Variants in SLC38A2 observed in about 807,000 individuals in gnomAD.
SLC38A2 encodes the protein solute carrier family 38 member 2.
SLC38A2 carries 11 observed loss-of-function variants against 61.5 expected under a neutral mutation model. The observed-to-expected ratio is 0.18, with a 90% CI of 0.11 to 0.30. SLC38A2 has a LOEUF of 0.30. Among genes scored for constraint, SLC38A2 ranks in the 10% least tolerant of loss-of-function variants. SLC38A2 has a pLI of 1.00. For synonymous variants in SLC38A2, 217 were observed against 212.5 expected, an observed-to-expected ratio of 1.02 and a Z score of -0.18; for missense variants, 522 against 600.4, an observed-to-expected ratio of 0.87 and a Z score of 1.36.
chr12:46,371,096 G>T, intron 2 of SLC38A2, 82 bp downstream of exon 2: 1 of 1,151,234 alleles, frequency 8.7e-7, no homozygotes, highest in Non-Finnish European at 1.3e-6. Context: ...GCAAATTAAA[G>T]CAATGGAAGC....
Position 46,360,848 on chromosome 12 carries a change from C to G in SLC38A2, c.*263G>C. 2.5e-6 allele frequency: 1 copy of G among 407,826 alleles called. No homozygotes were observed. The highest frequency in any genetic ancestry group is 5.6e-5 in the South Asian group (1 of 17,878). The allele number at this position is 407,826 out of a possible 1,614,324, so 25.3% of individuals were successfully genotyped here. ...GATAAAAGTTAAGAGTTTGTCCATT[C>G]TCTGGAATGGAATAAAATTGTCACT... On this transcript the variant is annotated 3_prime_UTR_variant, in exon 16 of 16. Coordinates refer to ENST00000256689, the MANE Select transcript of SLC38A2 (RefSeq NM_018976.5).
chr12:46,365,386 G>T (rs1943129273), intron 7 of SLC38A2, 197 bp from the exon 8 acceptor site: 1 of 612,102 alleles, frequency 1.6e-6, no homozygotes, highest in Non-Finnish European at 2.9e-6. Flanking sequence ...ACTCAGGTTA[G>T]AAGTCGGGTA....
At chr12:46,371,560 G>T (rs1592208815) in intron 1 of SLC38A2, 181 bp from the exon 2 acceptor site, 2 of 439,298 alleles carry the variant, frequency 4.6e-6, no homozygotes, top group East Asian at 9.3e-5. Flanking sequence ...GAGCCGCGGG[G>T]AGAACAAAGA....
rs1276785622 is a variant in SLC38A2 at position 46,360,945 on chromosome 12, AC to A, written c.*165del. 1.4e-5 allele frequency: 8 copies of A among 572,900 alleles called. No homozygotes were observed. The highest frequency in any genetic ancestry group is 9.5e-5 in the African/African-American group (5 of 52,668). 35.5% of individuals were successfully genotyped at this position (572,900 alleles called of 1,614,324 possible). On this transcript the variant is annotated 3_prime_UTR_variant, in exon 16 of 16. Transcript: ENST00000256689. ...ACATACAGATAAGTTTCTTAAAAAAACAAAACAAAACAAAAAAGTTCACTTA... is the reference window on the plus strand; with the variant it reads ...ACATACAGATAAGTTTCTTAAAAAAAAAAACAAAACAAAAAAGTTCACTTA...
At chr12:46,364,825 G>A (rs1194170929) in intron 8 of SLC38A2, 123 bp from the exon 9 acceptor site, 6 of 851,580 alleles carry the variant, frequency 7.0e-6, no homozygotes, top group Non-Finnish European at 1.1e-5. Flanking sequence ...TATGTGTATA[G>A]CACTAAATTT....
Position 46,363,839 on chromosome 12 carries a change from A to G in SLC38A2, c.954-13T>C. 1.3e-6 allele frequency: 2 copies of G among 1,586,556 alleles called. No homozygotes were observed. The highest frequency in any genetic ancestry group is 1.7e-6 in the Non-Finnish European group (2 of 1,170,382). On this transcript the variant is annotated splice_polypyrimidine_tract_variant and intron_variant, in intron 11 of 15. Transcript: ENST00000256689. Reference sequence around the variant, plus strand: ...TCTACGGCTGCGGCTATGTAATTCAAGAGAAAATTCAAATATATATTTCAG... The same window carrying G: ...TCTACGGCTGCGGCTATGTAATTCAGGAGAAAATTCAAATATATATTTCAG...
chr12:46,364,803 T>G (rs773073874), intron 8 of SLC38A2, 101 bp from the exon 9 acceptor site: 5 of 1,177,314 alleles, frequency 4.2e-6, no homozygotes, highest in Non-Finnish European at 6.1e-6. Flanking sequence ...GGGAAGACTT[T>G]AGGCACTAAA....
At chr12:46,363,226 C>T (rs1943102771) in intron 12 of SLC38A2, 81 bp from the exon 13 acceptor site, 1 of 1,468,500 alleles carries the variant, frequency 6.8e-7, no homozygotes, top group Non-Finnish European at 9.4e-7. Context: ...AAATGTGCAC[C>T]AGTTATTTAG....
chr12:46,371,783 G>A (rs889132351), intron 1 of SLC38A2, among the ~76,000 whole-genome samples: 2 of 152,158 alleles, frequency 1.3e-5, no homozygotes, highest in African/African-American at 4.8e-5. Flanking sequence ...ACGGCTTTCC[G>A]TTTCTAGCAT....
In SLC38A2 at chr12:46,358,738, C is replaced by T. The variant is rs747211716; in HGVS notation, c.*2373G>A. 5.2e-5 allele frequency: 8 copies of T among 152,484 alleles called. No individual in the cohort carries two copies. The highest frequency in any genetic ancestry group is 2.6e-4 in the Admixed American group (4 of 15,258). 9.4% of individuals were successfully genotyped at this position (152,484 alleles called of 1,614,324 possible). A position where few individuals can be genotyped will look rare whatever the true frequency, so the allele number is the denominator to read the frequency against. On this transcript the variant is annotated 3_prime_UTR_variant, in exon 16 of 16. Transcript: ENST00000256689. The stretch of plus-strand genomic sequence containing the variant: ...TACATATGGACAGACAATATATGTA[C>T]ATAGATTATCATAAATATTGAAAAA...
chr12:46,368,169 T>C (rs941453455), intron 4 of SLC38A2, among the ~76,000 whole-genome samples: 4 of 152,064 alleles, frequency 2.6e-5, no homozygotes, highest in Admixed American at 6.5e-5. Flanking sequence ...ACTAACATGA[T>C]ACTAACATTT....
intron 2 of SLC38A2, 37 bp from the exon 3 acceptor site, chr12:46,370,894 A>G: frequency 1.3e-6 from 2 of 1,484,456 alleles, no homozygotes; most frequent in South Asian, 1.2e-5. Context: ...TGTAAACTGG[A>G]TTGAAATATC....
chr12:46,365,015 G>T, intron 8 of SLC38A2, 92 bp downstream of exon 8: 1 of 1,199,374 alleles, frequency 8.3e-7, no homozygotes, highest in Non-Finnish European at 1.2e-6. Flanking sequence ...ACTTTCTAGG[G>T]CTTTTTCATT....
chr12:46,364,203 G>A (rs1489580112), intron 10 of SLC38A2, among the ~76,000 whole-genome samples, 186 bp downstream of exon 10: 2 of 151,962 alleles, frequency 1.3e-5, no homozygotes, highest in Non-Finnish European at 2.9e-5. Flanking sequence ...AGCACCATAT[G>A]ATTATCTCAA....
Position 46,360,289 on chromosome 12 carries a change from A to C in SLC38A2, c.*822T>G, listed in dbSNP as rs1173682365. On this transcript the variant is annotated 3_prime_UTR_variant, in exon 16 of 16. Transcript: ENST00000256689. ...CATTATCTTCCATTCTAATAAGTTGAAGACACAAACATTTCAGTCTGAATG... is the reference window on the plus strand; with the variant it reads ...CATTATCTTCCATTCTAATAAGTTGCAGACACAAACATTTCAGTCTGAATG... 6.6e-6 allele frequency: 1 copy of C among 152,598 alleles called. No individual in the cohort carries two copies. Among genetic ancestry groups the C allele is most frequent in the African/African-American group, 2.4e-5 (1 of 41,464 alleles). The allele number at this position is 152,598 out of a possible 1,614,324, so 9.5% of individuals were successfully genotyped here. A position where few individuals can be genotyped will look rare whatever the true frequency, so the allele number is the denominator to read the frequency against.
Position 46,359,094 on chromosome 12 carries a change from A to G in SLC38A2, c.*2017T>C, listed in dbSNP as rs1337946692. ...CCACAGTATCTTCTCCCATACAAAA[A>G]AAAAAAAAAAAGTCTGTAGAAACAA... On this transcript the variant is annotated 3_prime_UTR_variant, in exon 16 of 16. Transcript: ENST00000256689. 2 of 152,078 alleles carry G rather than the reference A, an allele frequency of 1.3e-5. No individual in the cohort carries two copies. The highest frequency in any genetic ancestry group is 2.9e-5 in the Non-Finnish European group (2 of 67,974). 9.4% of individuals were successfully genotyped at this position (152,078 alleles called of 1,614,324 possible).
In SLC38A2 at chr12:46,360,638, G is replaced by C. The variant is rs1592201343; in HGVS notation, c.*473C>G. 6.5e-6 allele frequency: 1 copy of C among 153,080 alleles called. No individual in the cohort carries two copies. Among genetic ancestry groups the C allele is most frequent in the South Asian group, 2.1e-4 (1 of 4,842 alleles). The allele number at this position is 153,080 out of a possible 1,614,324, so 9.5% of individuals were successfully genotyped here. A position where few individuals can be genotyped will look rare whatever the true frequency, so the allele number is the denominator to read the frequency against. ...AAAAAGCAATTTCTTAAAAGTAAAA[G>C]AGTGCTTCTGAGGTCTTTAAGTATT... On this transcript the variant is annotated 3_prime_UTR_variant, in exon 16 of 16. Transcript: ENST00000256689.
intron 15 of SLC38A2, 69 bp from the exon 16 acceptor site, chr12:46,361,278 T>C: frequency 3.1e-6 from 4 of 1,273,270 alleles, no homozygotes; most frequent in East Asian, 4.7e-5. Flanking sequence ...TCTTCTATTT[T>C]TTGAAATGTG....
chr12:46,371,645 C>T, intron 1 of SLC38A2: 1 of 253,610 alleles, frequency 3.9e-6, no homozygotes. Flanking sequence ...TCTCTATTGT[C>T]CCTCGTCGGA....
Sources: gnomAD v4.1 joint callset for allele counts (sites outside exome capture counted in the v4.1 genomes callset) on GRCh38, gnomAD v4.1.1 for gene constraint, MANE v1.5 for transcripts, NCBI Gene and HGNC (gene_info 2026-07-23, HGNC 2026-07-21) for gene names.